The following PATJ variants were observed in gnomAD, a reference collection of about 807,000 sequenced individuals.
PATJ encodes PATJ crumbs cell polarity complex component, also known as inaD-like protein.
A neutral mutation model predicts 224.9 loss-of-function variants in PATJ; 190 were observed. That is an observed-to-expected ratio of 0.84 (90% CI 0.75 to 0.95). The LOEUF is 0.95. Among genes scored for constraint, PATJ ranks in the 40% least tolerant of loss-of-function variants. The probability of loss-of-function intolerance (pLI) is 0.00; values close to 1 mark genes in which losing one functional copy is unlikely to be tolerated. For synonymous variants in PATJ, 769 were observed against 820.3 expected (o/e 0.94, Z 1.07); for missense variants, 2,121 against 2,270.3 (o/e 0.93, Z 1.34).
chr1:61,971,828 T>TAA (rs5774579), intron 27 of PATJ, among the ~76,000 whole-genome samples: 37 of 142,962 alleles, frequency 2.6e-4, no homozygotes, highest in African/African-American at 5.2e-4. Flanking sequence ...CCCTATCTCT[T>TAA]AAAAAAAAAA....
intron 25 of PATJ, among the ~76,000 whole-genome samples, chr1:61,912,639 AAGAG>A (rs1399632493): frequency 2.1e-4 from 28 of 134,826 alleles, no homozygotes; most frequent in Admixed American, 3.0e-4. Flanking sequence ...AAAGATAAGA[AAGAG>A]AGAGAGAGGG....
At chr1:61,928,383 A>G (rs987880562) in intron 27 of PATJ, among the ~76,000 whole-genome samples, 3 of 152,178 alleles carry the variant, frequency 2.0e-5, no homozygotes, top group Admixed American at 6.5e-5. Context: ...ATGTATACCA[A>G]ATTTCTTTTG....
rs187727413 is a variant in PATJ, at chr1:62,098,415, C to T, written c.4378-10022C>T. Among the ~76,000 whole-genome samples, 43 of 150,718 alleles carry T rather than the reference C, an allele frequency of 2.9e-4. 1 individual carries two copies. Among genetic ancestry groups the T allele is most frequent in the South Asian group, 6.4e-4 (3 of 4,670 alleles). ...TTTGAGGCCACCCTGGCCAACATGG[C>T]GAAACCCCATCTCTATTAAAAATAC... On this transcript the variant is annotated intron_variant, in intron 33 of 43. Coordinates refer to ENST00000642238, the MANE Select transcript of PATJ (RefSeq NM_001350145.3).
At chr1:62,061,898 A>G (rs1655526587) in intron 31 of PATJ, among the ~76,000 whole-genome samples, 1 of 151,938 alleles carries the variant, frequency 6.6e-6, no homozygotes. Context: ...TGACCTCATG[A>G]TCCACCCGCC....
At chr1:62,122,940 A>G (rs1350220193) in intron 38 of PATJ, 81 bp from the exon 39 acceptor site, 2 of 869,112 alleles carry the variant, frequency 2.3e-6, no homozygotes, top group South Asian at 2.1e-5. Flanking sequence ...AGAAAATGAA[A>G]CCATTTTTCA....
chr1:62,070,826 A>T (rs1657259538), intron 31 of PATJ, among the ~76,000 whole-genome samples: 1 of 152,230 alleles, frequency 6.6e-6, no homozygotes. Context: ...ATGGTCATCC[A>T]GGAGACCTAG....
intron 33 of PATJ, among the ~76,000 whole-genome samples, chr1:62,099,670 T>C (rs767236915): frequency 3.3e-5 from 5 of 152,214 alleles, no homozygotes; most frequent in Non-Finnish European, 5.9e-5. Flanking sequence ...TAGTTCTTTA[T>C]AATAGTATCT....
chr1:61,862,624 C>G (rs1664794938), intron 19 of PATJ, among the ~76,000 whole-genome samples: 1 of 152,088 alleles, frequency 6.6e-6, no homozygotes, highest in Non-Finnish European at 1.5e-5. Flanking sequence ...GATGGTAGAA[C>G]ATATTGTTGA....
chr1:61,788,293 T>C (rs1196715654), intron 8 of PATJ, among the ~76,000 whole-genome samples: 2 of 152,136 alleles, frequency 1.3e-5, no homozygotes, highest in Non-Finnish European at 2.9e-5. Flanking sequence ...CACTGGCCGA[T>C]GTGTGAGAAT....
chr1:61,949,742 T>G (rs1450189901), intron 27 of PATJ, among the ~76,000 whole-genome samples: 3 of 151,204 alleles, frequency 2.0e-5, no homozygotes, highest in Non-Finnish European at 4.4e-5. Context: ...CCCTGTCTTT[T>G]TACAAATACA....
intron 21 of PATJ, 104 bp from the exon 22 acceptor site, chr1:61,884,133 C>T: frequency 1.5e-6 from 1 of 684,558 alleles, no homozygotes; most frequent in East Asian, 2.7e-5. Flanking sequence ...AGTCTCCTAC[C>T]TGGAAGAGTC....
chr1:61,802,897 T>A (rs142949807), intron 12 of PATJ, among the ~76,000 whole-genome samples: 22 of 152,310 alleles, frequency 1.4e-4, no homozygotes, highest in African/African-American at 5.3e-4. Context: ...ATGAAACTCC[T>A]TGAGTACTTA....
chr1:62,102,168 G>C (rs534410507), intron 33 of PATJ, among the ~76,000 whole-genome samples: 1 of 150,238 alleles, frequency 6.7e-6, no homozygotes, highest in South Asian at 2.1e-4. Context: ...AACAAAGCGA[G>C]ACCCTGTCTC....
chr1:61,939,122 C>CAAAA (rs560139042), intron 27 of PATJ, among the ~76,000 whole-genome samples: 4 of 57,486 alleles, frequency 7.0e-5, no homozygotes, highest in African/African-American at 1.4e-4. Context: ...GACTCCATCT[C>CAAAA]AAAAAAAAAA....
At chr1:61,871,959 G>A (rs1224694829) in intron 20 of PATJ, among the ~76,000 whole-genome samples, 1 of 151,642 alleles carries the variant, frequency 6.6e-6, no homozygotes, top group Admixed American at 6.6e-5. Flanking sequence ...ACCCACCTCG[G>A]CCTCCCAAAG....
intron 33 of PATJ, among the ~76,000 whole-genome samples, chr1:62,096,231 G>A (rs1011801687): frequency 1.4e-5 from 2 of 147,442 alleles, no homozygotes; most frequent in East Asian, 4.0e-4. Context: ...AACTCCAGCT[G>A]GGAAAAAGGA....
chr1:62,147,088 G>C (rs1419980365), intron 41 of PATJ, among the ~76,000 whole-genome samples: 1 of 152,130 alleles, frequency 6.6e-6, no homozygotes, highest in East Asian at 1.9e-4. Flanking sequence ...TATGGATCTG[G>C]TGTTAGGTAA....
intron 34 of PATJ, among the ~76,000 whole-genome samples, chr1:62,109,008 T>A (rs1663473535): frequency 1.3e-5 from 2 of 152,212 alleles, no homozygotes; most frequent in South Asian, 4.1e-4. Flanking sequence ...ATGTAAAATC[T>A]TCCCCCTATG....
At chr1:61,899,504 A>C (rs1177766011) in intron 22 of PATJ, 79 bp from the exon 23 acceptor site, 2 of 923,744 alleles carry the variant, frequency 2.2e-6, no homozygotes, top group African/African-American at 1.7e-5. Flanking sequence ...TAGATTTTAC[A>C]ATTTCAAAAC....
Sources: gnomAD v4.1 joint callset for allele counts (sites outside exome capture counted in the v4.1 genomes callset) on GRCh38, gnomAD v4.1.1 for gene constraint, MANE v1.5 for transcripts, NCBI Gene and HGNC (gene_info 2026-07-23, HGNC 2026-07-21) for gene names.